The following PLCB1 variants were observed in gnomAD, a reference collection of about 807,000 sequenced individuals.
The protein encoded by PLCB1 is phospholipase C beta 1.
PLCB1 carries 46 observed loss-of-function variants against 161.8 expected under a neutral mutation model. That is an observed-to-expected ratio of 0.28 (90% CI 0.22 to 0.36). PLCB1 has a LOEUF of 0.36. Among genes scored for constraint, PLCB1 ranks in the 10% least tolerant of loss-of-function variants. The pLI, the probability that PLCB1 is intolerant of heterozygous loss-of-function variation, is 1.00. For synonymous variants in PLCB1, 517 were observed against 503.7 expected, an observed-to-expected ratio of 1.03 and a Z score of -0.35; for missense variants, 1,016 against 1,472.5, an observed-to-expected ratio of 0.69 and a Z score of 5.07.
intron 3 of PLCB1, among the ~76,000 whole-genome samples, chr20:8,611,707 T>A (rs1374874243): frequency 1.3e-5 from 2 of 152,334 alleles, no homozygotes; most frequent in Admixed American, 6.5e-5. Context: ...ATTCAGGGAC[T>A]CTTCAATCAA....
At chr20:8,737,495 A>G (rs1203572507) in intron 20 of PLCB1, among the ~76,000 whole-genome samples, 2 of 152,214 alleles carry the variant, frequency 1.3e-5, no homozygotes, top group East Asian at 3.8e-4. Flanking sequence ...TTTTAATTAT[A>G]ACTCAAAGAA....
intron 3 of PLCB1, among the ~76,000 whole-genome samples, chr20:8,492,352 A>C (rs1982982327): frequency 6.6e-6 from 1 of 152,158 alleles, no homozygotes; most frequent in South Asian, 2.1e-4. Context: ...TTGCATTGTT[A>C]ACTGCATCTT....
chr20:8,264,252 A>G (rs528388903), intron 2 of PLCB1, among the ~76,000 whole-genome samples: 1 of 152,198 alleles, frequency 6.6e-6, no homozygotes, highest in South Asian at 2.1e-4. Context: ...CCACTTCCAC[A>G]TCTTGTCCCA....
At chr20:8,230,232 A>G (rs1979955538) in intron 2 of PLCB1, among the ~76,000 whole-genome samples, 1 of 152,082 alleles carries the variant, frequency 6.6e-6, no homozygotes, top group South Asian at 2.1e-4. Flanking sequence ...TCCAAATCTG[A>G]TCAGACTATC....
intron 18 of PLCB1, among the ~76,000 whole-genome samples, chr20:8,731,539 A>G (rs1482700758): frequency 3.3e-5 from 5 of 151,944 alleles, no homozygotes; most frequent in Non-Finnish European, 5.9e-5. Flanking sequence ...GATATTCTTT[A>G]ACATACTAAA....
chr20:8,435,988 C>G (rs1980283255), intron 3 of PLCB1, among the ~76,000 whole-genome samples: 1 of 152,116 alleles, frequency 6.6e-6, no homozygotes. Context: ...AAATTCCTCT[C>G]CACACAAGGA....
At chr20:8,153,924 A>G (rs941611057) in intron 2 of PLCB1, among the ~76,000 whole-genome samples, 1 of 152,306 alleles carries the variant, frequency 6.6e-6, no homozygotes, top group Non-Finnish European at 1.5e-5. Flanking sequence ...TATTGTGGAT[A>G]ATATACAAAT....
intron 3 of PLCB1, among the ~76,000 whole-genome samples, chr20:8,561,345 A>G (rs6140637): frequency 0.12 from 17,645 of 151,756 alleles, 1,374 homozygotes; most frequent in East Asian, 0.26. Flanking sequence ...AAGTTTTGCA[A>G]CTCATGCAGG....
intron 3 of PLCB1, among the ~76,000 whole-genome samples, chr20:8,484,113 C>T (rs1982620334): frequency 6.6e-6 from 1 of 152,184 alleles, no homozygotes; most frequent in Non-Finnish European, 1.5e-5. Context: ...ACAACCTCAG[C>T]CTCACGGGTT....
intron 31 of PLCB1, among the ~76,000 whole-genome samples, chr20:8,823,689 C>T (rs1985549182): frequency 2.0e-5 from 3 of 152,146 alleles, no homozygotes; most frequent in African/African-American, 7.2e-5. Flanking sequence ...TCCCTAGTGG[C>T]ATCTTTGTTT....
At chr20:8,822,078 T>A (rs74415727) in intron 31 of PLCB1, among the ~76,000 whole-genome samples, 6 of 151,642 alleles carry the variant, frequency 4.0e-5, no homozygotes, top group Non-Finnish European at 8.8e-5. Flanking sequence ...TCTGAAAATA[T>A]CTTATTCTTG....
chr20:8,398,918 G>GT (rs374621212), intron 3 of PLCB1, among the ~76,000 whole-genome samples: 3 of 151,440 alleles, frequency 2.0e-5, no homozygotes, highest in Non-Finnish European at 4.4e-5. Flanking sequence ...TGCTTTTGGT[G>GT]TTTTTTTGTT....
rs374067029 is a variant in PLCB1 at position 8,340,635 on chromosome 20, A to G, written c.178-30747A>G. On this transcript the variant is annotated intron_variant, in intron 2 of 31. Transcript: ENST00000338037. ...GAGACGGGGTTTCACTGTGTTAGCCAGGATGGTCTCGATCTCCTGACCTCG... is the reference window on the plus strand; with the variant it reads ...GAGACGGGGTTTCACTGTGTTAGCCGGGATGGTCTCGATCTCCTGACCTCG... Among the ~76,000 whole-genome samples the G allele has an allele frequency of 1.5e-4, 23 of 152,116 alleles. No individual in the cohort carries two copies. In the East Asian group the frequency reaches 4.1e-3, roughly 27 times the overall value.
chr20:8,746,072 C>T (rs988684914), intron 23 of PLCB1, among the ~76,000 whole-genome samples: 3 of 152,170 alleles, frequency 2.0e-5, no homozygotes, highest in Admixed American at 6.5e-5. Context: ...GCCGGGACTA[C>T]AGGCACCCAC....
intron 2 of PLCB1, among the ~76,000 whole-genome samples, chr20:8,158,951 A>G (rs1298410221): frequency 6.6e-6 from 1 of 150,596 alleles, no homozygotes; most frequent in African/African-American, 2.5e-5. Flanking sequence ...GCTGGCATTG[A>G]GTGTCTGTGG....
At chr20:8,788,394 A>G (rs1461060925) in intron 27 of PLCB1, 55 bp from the exon 28 acceptor site, 2 of 1,513,268 alleles carry the variant, frequency 1.3e-6, no homozygotes, top group East Asian at 2.3e-5. Context: ...GGAGGTGGGA[A>G]GGAAGCTCTG....
At chr20:8,590,386 T>A (rs1452604397) in intron 3 of PLCB1, among the ~76,000 whole-genome samples, 1 of 152,176 alleles carries the variant, frequency 6.6e-6, no homozygotes, top group Non-Finnish European at 1.5e-5. Context: ...ATTTAATTAT[T>A]TATACAATAA....
In PLCB1 at chr20:8,832,066, G is replaced by A. The variant is rs771667898; in HGVS notation, c.3423+41805G>A. Among the ~76,000 whole-genome samples, 2 of 143,110 alleles carry A rather than the reference G, an allele frequency of 1.4e-5. 1 individual carries two copies. The highest frequency in any genetic ancestry group is 5.1e-5 in the African/African-American group (2 of 39,278). The allele number at this position is 143,110 out of a possible 152,430, so 93.9% of individuals were successfully genotyped here. A position where few individuals can be genotyped will look rare whatever the true frequency, so the allele number is the denominator to read the frequency against. On this transcript the variant is annotated intron_variant, in intron 31 of 31. Coordinates refer to ENST00000338037, the MANE Select transcript of PLCB1 (RefSeq NM_015192.4). The stretch of plus-strand genomic sequence containing the variant: ...TCCCATAGGCAGGGTGCCCAGGGTA[G>A]TGAAAGTTTAATTTTCAGAGTTTTT...
At chr20:8,526,910 G>A (rs1283655099) in intron 3 of PLCB1, among the ~76,000 whole-genome samples, 1 of 151,252 alleles carries the variant, frequency 6.6e-6, no homozygotes, top group Non-Finnish European at 1.5e-5. Context: ...CTCATCTTTA[G>A]CAGCTTGCCT....
Sources: gnomAD v4.1 joint callset for allele counts (sites outside exome capture counted in the v4.1 genomes callset) on GRCh38, gnomAD v4.1.1 for gene constraint, MANE v1.5 for transcripts, NCBI Gene and HGNC (gene_info 2026-07-23, HGNC 2026-07-21) for gene names.